DIP2B: variants seen among roughly 807,000 people sequenced by gnomAD.
DIP2B encodes DIP2 acetate--CoA ligase B (putative), also known as disco-interacting protein 2 homolog B.
A neutral mutation model predicts 198.0 loss-of-function variants in DIP2B; 76 were observed. That is an observed-to-expected ratio of 0.38 (90% CI 0.32 to 0.46). The LOEUF (loss-of-function observed/expected upper bound fraction) is 0.46. Among genes scored for constraint, DIP2B ranks in the 20% least tolerant of loss-of-function variants. The pLI, the probability that DIP2B is intolerant of heterozygous loss-of-function variation, is 0.99. For synonymous variants in DIP2B, 701 were observed against 739.1 expected (o/e 0.95, Z 0.84); for missense variants, 1,559 against 1,978.4 (o/e 0.79, Z 4.02).
chr12:50,667,656 TG>T (rs1274590898), intron 4 of DIP2B, among the ~76,000 whole-genome samples: 2 of 152,226 alleles, frequency 1.3e-5, no homozygotes, highest in African/African-American at 4.8e-5. Flanking sequence ...ATTTCTCAGG[TG>T]GCATCATTTG....
chr12:50,664,950 G>C (rs1938725008), intron 4 of DIP2B, among the ~76,000 whole-genome samples: 1 of 141,738 alleles, frequency 7.1e-6, no homozygotes, highest in Non-Finnish European at 1.5e-5. Context: ...CCAGGGTCAA[G>C]CAGTCCTCCC....
At position 50,697,160 on chromosome 12, in the gene DIP2B, C is replaced by T. The variant is rs1939326679; in HGVS notation, c.2033C>T (p.Thr678Ile). The T allele has an allele frequency of 6.2e-7, 1 of 1,613,958 alleles. No individual in the cohort carries two copies. The highest frequency in any genetic ancestry group is 8.5e-7 in the Non-Finnish European group (1 of 1,179,976). Residue 678 changes from threonine (T) to isoleucine (I), a missense_variant, in exon 17 of 38, where the codon ACT becomes ATT. Physicochemically the swap from Thr to Ile is moderately conservative, Grantham distance 89. Transcript: ENST00000301180. ...TGCGCCACGTCTGCTGAAGCCATGA[C>T]TGTAGCAATCCGCAGGTACTGTTCA... ...CPCATSAEAM[T>I]VAIRRPGVPG...
intron 25 of DIP2B, among the ~76,000 whole-genome samples, chr12:50,720,678 A>C (rs1939819811): frequency 6.6e-6 from 1 of 152,082 alleles, no homozygotes; most frequent in Non-Finnish European, 1.5e-5. Flanking sequence ...GCTTCTTGAA[A>C]GGATGAGGAA....
At chr12:50,510,784 T>C (rs1356401133) in intron 1 of DIP2B, among the ~76,000 whole-genome samples, 1 of 151,950 alleles carries the variant, frequency 6.6e-6, no homozygotes, top group Non-Finnish European at 1.5e-5. Context: ...TAGCTGGGAT[T>C]ACAGGCATGT....
intron 1 of DIP2B, among the ~76,000 whole-genome samples, chr12:50,540,053 GTTTTTTTTTTTTTTTT>G (rs60978324): frequency 1.4e-3 from 62 of 44,172 alleles, no homozygotes; most frequent in African/African-American, 6.1e-3. Flanking sequence ...TTGTTTCTGT[GTTTTTTTTTTTTTTTT>G]TTTTTTTTTT....
At chr12:50,734,110 A>C in intron 32 of DIP2B, 25 bp from the exon 33 acceptor site, 1 of 1,613,236 alleles carries the variant, frequency 6.2e-7, no homozygotes, top group Non-Finnish European at 8.5e-7. Context: ...AATTCTAAAC[A>C]ACGCATTGAT....
At chr12:50,505,685 A>T (rs764969957) in intron 1 of DIP2B, among the ~76,000 whole-genome samples, 1 of 151,996 alleles carries the variant, frequency 6.6e-6, no homozygotes, top group Non-Finnish European at 1.5e-5. Context: ...AAAGAGACAC[A>T]TGGGAAATCC....
intron 1 of DIP2B, among the ~76,000 whole-genome samples, chr12:50,547,083 T>C (rs1419267702): frequency 6.6e-6 from 1 of 152,210 alleles, no homozygotes; most frequent in East Asian, 1.9e-4. Flanking sequence ...GTGAAATCCT[T>C]TCTTTCCTTG....
chr12:50,686,069 A>G (rs1565870563), intron 11 of DIP2B, 113 bp downstream of exon 11: 10 of 1,105,096 alleles, frequency 9.0e-6, no homozygotes, highest in Non-Finnish European at 5.0e-6. Context: ...TTTAATTCTC[A>G]TAGTCTTATG....
At chr12:50,558,138 T>A (rs2139394198) in intron 1 of DIP2B, among the ~76,000 whole-genome samples, 1 of 152,252 alleles carries the variant, frequency 6.6e-6, no homozygotes, top group East Asian at 1.9e-4. Flanking sequence ...GAGGCCAAGG[T>A]GGGAGGATCG....
intron 1 of DIP2B, among the ~76,000 whole-genome samples, chr12:50,610,668 G>C (rs1468939299): frequency 6.6e-6 from 1 of 151,984 alleles, no homozygotes; most frequent in Non-Finnish European, 1.5e-5. Flanking sequence ...GCCATGCCCG[G>C]CTAATTTTTT....
chr12:50,613,603 G>C (rs541533389), intron 1 of DIP2B, among the ~76,000 whole-genome samples: 1 of 152,314 alleles, frequency 6.6e-6, no homozygotes, highest in South Asian at 2.1e-4. Context: ...GGTAAAAAGA[G>C]TGCCTGTTTG....
At chr12:50,536,929 G>A (rs1221236308) in intron 1 of DIP2B, among the ~76,000 whole-genome samples, 1 of 150,980 alleles carries the variant, frequency 6.6e-6, no homozygotes, top group East Asian at 1.9e-4. Context: ...TTCAGAGTGT[G>A]TGCTGTTGTT....
rs747741623 is a variant in DIP2B, at chr12:50,731,442, A to G, written c.3715A>G (p.Thr1239Ala). 1.9e-6 allele frequency: 3 copies of G among 1,614,140 alleles called. No homozygotes were observed. The highest frequency in any genetic ancestry group is 1.1e-5 in the South Asian group (1 of 91,084). Reference protein sequence around the residue: ...LENNLFLWLSTVNQYKIRDTF... With the variant: ...LENNLFLWLSAVNQYKIRDTF... The stretch of plus-strand genomic sequence containing the variant: ...GAACAACCTTTTCCTCTGGCTCTCC[A>G]CAGTCAACCAGTACAAAATAAGGGA... The change falls in exon 31 of 38, where the codon ACA becomes GCA. Residue 1239 changes from threonine to alanine, a missense_variant. Coordinates refer to ENST00000301180, the MANE Select transcript of DIP2B (RefSeq NM_173602.3).
In DIP2B at chr12:50,728,556, C is replaced by T; in HGVS notation, c.3519C>T (p.His1173=). 1 of 1,613,876 alleles carries T rather than the reference C, an allele frequency of 6.2e-7. No homozygotes were observed. ...TTTTCCATACTTTCCAGATGTCCCA[C>T]TCTGCAGTGAACGCTCTGTGTCGAG... ...TGMLTGVKMS[H]SAVNALCRAI... Residue 1173 remains histidine (H), a synonymous_variant, in exon 30 of 38, where the codon CAC becomes CAT. Transcript: ENST00000301180.
chr12:50,510,264 C>T (rs1339692046), intron 1 of DIP2B, among the ~76,000 whole-genome samples: 1 of 152,214 alleles, frequency 6.6e-6, no homozygotes, highest in Non-Finnish European at 1.5e-5. Context: ...CAGACAAATT[C>T]ACTGGAAGAA....
At chr12:50,506,854 A>G (rs955660019) in intron 1 of DIP2B, among the ~76,000 whole-genome samples, 8 of 152,202 alleles carry the variant, frequency 5.3e-5, no homozygotes, top group African/African-American at 1.9e-4. Context: ...TGAAAGTAAC[A>G]AATCATCTAG....
chr12:50,745,047 A>G lies in DIP2B; in HGVS notation c.*208A>G, dbSNP rs1940323542. 6.2e-6 allele frequency: 4 copies of G among 641,838 alleles called. No individual in the cohort carries two copies. The highest frequency in any genetic ancestry group is 5.8e-5 in the East Asian group (2 of 34,634). 39.8% of individuals were successfully genotyped at this position (641,838 alleles called of 1,614,324 possible). Reference sequence around the variant, plus strand: ...AAAAAAATGTTAACATTTGGTAGACATGTGCTTTGACATAGCGTGAGCAGC... The same window carrying G: ...AAAAAAATGTTAACATTTGGTAGACGTGTGCTTTGACATAGCGTGAGCAGC... On this transcript the variant is annotated 3_prime_UTR_variant, in exon 38 of 38. Coordinates refer to ENST00000301180, the MANE Select transcript of DIP2B (RefSeq NM_173602.3).
At chr12:50,529,387 GC>G (rs1565813949) in intron 1 of DIP2B, among the ~76,000 whole-genome samples, 3 of 152,216 alleles carry the variant, frequency 2.0e-5, no homozygotes. Flanking sequence ...TAGGTGCAGG[GC>G]ATTAGTGTAC....
Sources: gnomAD v4.1 joint callset for allele counts (sites outside exome capture counted in the v4.1 genomes callset) on GRCh38, gnomAD v4.1.1 for gene constraint, MANE v1.5 for transcripts, NCBI Gene and HGNC (gene_info 2026-07-23, HGNC 2026-07-21) for gene names.